The following ZNF628 variants were observed in gnomAD, a reference collection of about 807,000 sequenced individuals.
ZNF628 encodes the protein zinc finger protein 628, also known as zinc finger protein Zec.
ZNF628 carries 3 observed loss-of-function variants against 2.5 expected under a neutral mutation model. The observed-to-expected ratio is 1.19, with a 90% CI of 0.54 to 3.07. ZNF628 has a LOEUF of 3.07. Among genes scored for constraint, ZNF628 ranks in the 30% most tolerant of loss-of-function variants. The probability of loss-of-function intolerance (pLI) is 0.03; values close to 1 mark genes in which losing one functional copy is unlikely to be tolerated. For missense variants in ZNF628, 1,610 were observed against 1,517.1 expected, an observed-to-expected ratio of 1.06 and a Z score of -1.02; for synonymous variants, 861 against 717.1, an observed-to-expected ratio of 1.20 and a Z score of -3.21.
chr19:55,476,971 G>A (rs1488415956), intron 1 of ZNF628, among the ~76,000 whole-genome samples, 164 bp downstream of exon 1: 2 of 152,124 alleles, frequency 1.3e-5, no homozygotes, highest in African/African-American at 2.4e-5. Context: ...CCCTCTTAAA[G>A]GGCAAGGGGC....
In ZNF628 at chr19:55,482,909, C is replaced by A. The variant is rs1177410157; in HGVS notation, c.1716C>A (p.Gly572=). The A allele has an allele frequency of 6.2e-7, 1 of 1,607,824 alleles. No homozygotes were observed. Among genetic ancestry groups the A allele is most frequent in the Admixed American group, 1.7e-5 (1 of 59,808 alleles). The change falls in exon 3 of 3, where the codon GGC becomes GGA. Residue 572 remains glycine (G), a synonymous_variant. Coordinates refer to ENST00000598519, the MANE Select transcript of ZNF628 (RefSeq NM_033113.3). ...GERPHACGVC[G]KSFAQTSNLR... Reference sequence around the variant, plus strand: ...GGCCCCACGCCTGCGGTGTCTGCGGCAAGAGCTTCGCGCAGACCTCCAACC... The same window carrying A: ...GGCCCCACGCCTGCGGTGTCTGCGGAAAGAGCTTCGCGCAGACCTCCAACC...
Position 55,483,083 on chromosome 19 carries a change from C to G in ZNF628, c.1890C>G (p.Gly630=). 2 of 1,608,288 alleles carry G rather than the reference C, an allele frequency of 1.2e-6. No individual in the cohort carries two copies. Among genetic ancestry groups the G allele is most frequent in the Non-Finnish European group, 1.7e-6 (2 of 1,179,270 alleles). The change falls in exon 3 of 3, where the codon GGC becomes GGG. Residue 630 remains glycine (G), a synonymous_variant. Transcript: ENST00000598519. ...RPFTCPICGR[G]FVMAAYLQRH... ...TCACCTGCCCCATCTGCGGTCGCGGCTTCGTTATGGCCGCCTATCTGCAGC... is the reference window on the plus strand; with the variant it reads ...TCACCTGCCCCATCTGCGGTCGCGGGTTCGTTATGGCCGCCTATCTGCAGC...
chr19:55,477,132 A>G (rs1444403213), intron 1 of ZNF628, among the ~76,000 whole-genome samples: 1 of 152,206 alleles, frequency 6.6e-6, no homozygotes, highest in Non-Finnish European at 1.5e-5. Flanking sequence ...GGTTGCTTCA[A>G]AGCGATCCCT....
At chr19:55,478,494 G>C (rs533692023) in intron 1 of ZNF628, among the ~76,000 whole-genome samples, 119 of 152,370 alleles carry the variant, frequency 7.8e-4, no homozygotes, top group African/African-American at 2.3e-3. Context: ...AGTGAGGATA[G>C]CAGTAGGACA....
Position 55,481,965 on chromosome 19 carries a change from C to A in ZNF628, c.772C>A (p.Arg258=). The change falls in exon 3 of 3, where the codon CGG becomes AGG. Residue 258 remains arginine (R), a synonymous_variant. Transcript: ENST00000598519. ...KVFVCDAYLQ[R]HLQPHSPPAP... is the part of the protein sequence containing the mutation. ...CTTCGTGTGCGACGCCTACCTGCAG[C>A]GGCACCTCCAGCCCCACAGCCCGCC... 1 of 1,464,528 alleles carries A rather than the reference C, an allele frequency of 6.8e-7. No homozygotes were observed. The highest frequency in any genetic ancestry group is 1.3e-5 in the South Asian group (1 of 75,100). The allele number at this position is 1,464,528 out of a possible 1,614,324, so 90.7% of individuals were successfully genotyped here. A position where few individuals can be genotyped will look rare whatever the true frequency, so the allele number is the denominator to read the frequency against.
In ZNF628 at chr19:55,482,661, G is replaced by A; in HGVS notation, c.1468G>A (p.Ala490Thr). The A allele has an allele frequency of 6.2e-7, 1 of 1,610,502 alleles. No individual in the cohort carries two copies. The highest frequency in any genetic ancestry group is 1.7e-5 in the Admixed American group (1 of 59,718). Residue 490 changes from alanine to threonine, a missense_variant, in exon 3 of 3, where the codon GCC becomes ACC. By Grantham distance (58) the Ala-to-Thr change is moderately conservative. Coordinates refer to ENST00000598519, the MANE Select transcript of ZNF628 (RefSeq NM_033113.3). ...CTACCAGTGTGGCGAGTGCGGCAAG[G>A]CCTTCAAGCGCTCCTCCCTGCTGGC... ...RPYQCGECGKAFKRSSLLAIH... is the reference protein window; with the variant it reads ...RPYQCGECGKTFKRSSLLAIH...
At position 55,481,731 on chromosome 19, in the gene ZNF628, G is replaced by A. The variant is rs1321522717; in HGVS notation, c.538G>A (p.Val180Ile). ...HTGERPYTCG[V>I]CGKSFTQSTN... ...CGGCGAGCGGCCCTACACCTGTGGA[G>A]TCTGCGGGAAGAGCTTCACGCAGAG... The change falls in exon 3 of 3, where the codon GTC becomes ATC. Residue 180 changes from valine (V) to isoleucine (I), a missense_variant. Transcript: ENST00000598519. 2 of 1,611,984 alleles carry A rather than the reference G, an allele frequency of 1.2e-6. No homozygotes were observed. Among genetic ancestry groups the A allele is most frequent in the Admixed American group, 1.7e-5 (1 of 59,844 alleles).
Position 55,482,446 on chromosome 19 carries a change from C to T in ZNF628, c.1253C>T (p.Pro418Leu). 4 of 1,360,582 alleles carry T rather than the reference C, an allele frequency of 2.9e-6. No individual in the cohort carries two copies. The highest frequency in any genetic ancestry group is 5.4e-4 in the Middle Eastern group (2 of 3,712). 84.3% of individuals were successfully genotyped at this position (1,360,582 alleles called of 1,614,324 possible). Residue 418 changes from proline to leucine, a missense_variant, in exon 3 of 3, where the codon CCC becomes CTC. Coordinates refer to ENST00000598519, the MANE Select transcript of ZNF628 (RefSeq NM_033113.3). ...GAAGAGGCCGCGGCCGGGCGCCCGC[C>T]CCCGCAGGCTGAGGCTGCGGAGGTG... Reference protein sequence around the residue: ...HVEEAAAGRPPPQAEAAEVTC... With the variant: ...HVEEAAAGRPLPQAEAAEVTC...
chr19:55,483,449 T>C lies in ZNF628; in HGVS notation c.2256T>C (p.Ala752=). ...TGCTGCCCTCCTCCAGTGCTGGGGCTGGGGGCGGCCGTGCAAGGCAGGGCC... is the reference window on the plus strand; with the variant it reads ...TGCTGCCCTCCTCCAGTGCTGGGGCCGGGGGCGGCCGTGCAAGGCAGGGCC... ...LILLPSSSAG[A]GGGRARQGPR... The change falls in exon 3 of 3, where the codon GCT becomes GCC. Residue 752 remains alanine (A), a synonymous_variant. Transcript: ENST00000598519. 1 of 1,511,218 alleles carries C rather than the reference T, an allele frequency of 6.6e-7. No individual in the cohort carries two copies. Among genetic ancestry groups the C allele is most frequent in the Non-Finnish European group, 8.8e-7 (1 of 1,132,080 alleles). 93.6% of individuals were successfully genotyped at this position (1,511,218 alleles called of 1,614,324 possible). A position where few individuals can be genotyped will look rare whatever the true frequency, so the allele number is the denominator to read the frequency against.
At position 55,481,835 on chromosome 19, in the gene ZNF628, C is replaced by T. The variant is rs1341963670; in HGVS notation, c.642C>T (p.Thr214=). Reference sequence around the variant, plus strand: ...GCCCGCTCTGCCCCAAGACCTTCACCCACTCCTCCAACCTGCTGCTGCACC... The same window carrying T: ...GCCCGCTCTGCCCCAAGACCTTCACTCACTCCTCCAACCTGCTGCTGCACC... ...FRCPLCPKTF[T]HSSNLLLHQR... The change falls in exon 3 of 3, where the codon ACC becomes ACT. Residue 214 remains threonine, a synonymous_variant. Coordinates refer to ENST00000598519, the MANE Select transcript of ZNF628 (RefSeq NM_033113.3). 1.3e-5 allele frequency: 20 copies of T among 1,593,870 alleles called. No individual in the cohort carries two copies. In the South Asian group the frequency reaches 1.7e-4, roughly 13 times the overall value.
rs1986856837 is a variant in ZNF628 at position 55,484,480 on chromosome 19, TCC to T, written c.*110_*111del. 3 of 994,292 alleles carry T rather than the reference TCC, an allele frequency of 3.0e-6. No individual in the cohort carries two copies. The East Asian group carries it at 8.6e-5, about 28-fold the overall frequency. 61.6% of individuals were successfully genotyped at this position (994,292 alleles called of 1,614,324 possible). A position where few individuals can be genotyped will look rare whatever the true frequency, so the allele number is the denominator to read the frequency against. ...GGGCTTGCTAATAAAGACCCGAGTC[TCC>T]CCGCCTGTGTTTTGTTTTCCTGGGG... is the stretch of plus-strand genomic sequence containing the variant. On this transcript the variant is annotated 3_prime_UTR_variant, in exon 3 of 3. Transcript: ENST00000598519.
chr19:55,478,034 G>A (rs1174456521), intron 1 of ZNF628, among the ~76,000 whole-genome samples: 1 of 152,184 alleles, frequency 6.6e-6, no homozygotes, highest in Non-Finnish European at 1.5e-5. Context: ...GCGACACTGC[G>A]GCTAAGACTC....
rs937825047 is a variant in ZNF628 at position 55,482,022 on chromosome 19, C to G, written c.829C>G (p.Pro277Ala). The G allele has an allele frequency of 1.7e-5, 25 of 1,479,038 alleles. No individual in the cohort carries two copies. In the South Asian group the frequency reaches 2.6e-4, roughly 15 times the overall value. 91.6% of individuals were successfully genotyped at this position (1,479,038 alleles called of 1,614,324 possible). ...APPAPPPPPP[P>A]VVPELFLAAA... ...TCCCGCCCCGCCGCCCCCGCCCCCG[C>G]CCGTGGTGCCTGAGCTCTTTTTGGC... Residue 277 changes from proline (P) to alanine (A), a missense_variant, in exon 3 of 3, where the codon CCC becomes GCC. By Grantham distance (27) the Pro-to-Ala change is conservative. Around this residue, in one of 5 missense-constraint regions of ZNF628, gnomAD observed 651 missense variants for 575.6 expected, o/e 1.13. Transcript: ENST00000598519.
rs1345729494 is a variant in ZNF628, at chr19:55,481,257, G to A, written c.64G>A (p.Gly22Arg). ...MAPASTAEGA[G>R]EKPGPAAPAP... ...GCCGGCCTCTACTGCGGAGGGGGCC[G>A]GGGAGAAGCCAGGCCCTGCGGCCCC... The change falls in exon 3 of 3, where the codon GGG (glycine) becomes AGG (arginine). Residue 22 changes from glycine to arginine, a missense_variant. Transcript: ENST00000598519. The A allele has an allele frequency of 3.8e-6, 6 of 1,585,326 alleles. No homozygotes were observed. In the African/African-American group the frequency reaches 4.0e-5, roughly 11 times the overall value.
At chr19:55,478,053 A>C (rs1008068133) in intron 1 of ZNF628, among the ~76,000 whole-genome samples, 1 of 152,172 alleles carries the variant, frequency 6.6e-6, no homozygotes, top group African/African-American at 2.4e-5. Context: ...TCGGAGGTGC[A>C]GGAGTGAGCT....
Position 55,482,631 on chromosome 19 carries a change from C to T in ZNF628, c.1438C>T (p.Arg480Trp), listed in dbSNP as rs769353085. The T allele has an allele frequency of 2.5e-6, 4 of 1,609,114 alleles. No homozygotes were observed. Among genetic ancestry groups the T allele is most frequent in the Non-Finnish European group, 2.5e-6 (3 of 1,178,428 alleles). The stretch of plus-strand genomic sequence containing the variant: ...CCACCTGCGGGACCACACGGGCGAG[C>T]GGCCCTACCAGTGTGGCGAGTGCGG... ...RYHLRDHTGE[R>W]PYQCGECGKA... is the part of the protein sequence containing the mutation. Residue 480 changes from arginine (R) to tryptophan (W), a missense_variant, in exon 3 of 3, where the codon CGG becomes TGG. By Grantham distance (101) the Arg-to-Trp change is moderately radical. Around this residue, in one of 5 missense-constraint regions of ZNF628, gnomAD observed 651 missense variants for 575.6 expected, o/e 1.13. Transcript: ENST00000598519.
In ZNF628 at chr19:55,482,543, G is replaced by T. The variant is rs1010927291; in HGVS notation, c.1350G>T (p.Ala450=). ...PPPPPSAPAS[A]ERPYKCAECG... is the part of the protein sequence containing the mutation. ...CACCCCCGTCCGCCCCCGCTTCTGCGGAGCGGCCCTACAAATGTGCCGAGT... is the reference window on the plus strand; with the variant it reads ...CACCCCCGTCCGCCCCCGCTTCTGCTGAGCGGCCCTACAAATGTGCCGAGT... Residue 450 remains alanine (A), a synonymous_variant, in exon 3 of 3, where the codon GCG becomes GCT. Transcript: ENST00000598519. 2 of 1,562,466 alleles carry T rather than the reference G, an allele frequency of 1.3e-6. No individual in the cohort carries two copies. The highest frequency in any genetic ancestry group is 1.7e-6 in the Non-Finnish European group (2 of 1,160,716).
Position 55,482,180 on chromosome 19 carries a change from C to G in ZNF628, c.987C>G (p.Pro329=). Residue 329 remains proline (P), a synonymous_variant, in exon 3 of 3, where the codon CCC becomes CCG. Coordinates refer to ENST00000598519, the MANE Select transcript of ZNF628 (RefSeq NM_033113.3). ...PDAAPQPQEA[P]AEAPKADQPP... ...CGGCGCCCCAGCCCCAGGAGGCACCCGCCGAGGCGCCCAAGGCCGACCAGC... is the reference window on the plus strand; with the variant it reads ...CGGCGCCCCAGCCCCAGGAGGCACCGGCCGAGGCGCCCAAGGCCGACCAGC... 1.3e-6 allele frequency: 2 copies of G among 1,493,658 alleles called. No homozygotes were observed. The highest frequency in any genetic ancestry group is 2.8e-5 in the East Asian group (1 of 35,736). 92.5% of individuals were successfully genotyped at this position (1,493,658 alleles called of 1,614,324 possible). A position where few individuals can be genotyped will look rare whatever the true frequency, so the allele number is the denominator to read the frequency against.
At chr19:55,476,833 G>T (rs1422284461) in intron 1 of ZNF628, 26 bp downstream of exon 1, 1 of 147,848 alleles carries the variant, frequency 6.8e-6, no homozygotes, top group Admixed American at 6.7e-5. Context: ...GGGTGGGGGT[G>T]GGGGGAGGGA....
Sources: allele counts gnomAD v4.1 joint callset (sites outside exome capture counted in the v4.1 genomes callset), GRCh38; gene constraint gnomAD v4.1.1; regional missense constraint gnomAD v4.1.1; transcripts MANE v1.5; gene names NCBI Gene and HGNC (gene_info 2026-07-23, HGNC 2026-07-21).